Variants in YEATS2 observed in about 807,000 individuals in gnomAD.
YEATS2 encodes YEATS domain-containing protein 2.
In YEATS2, 77 loss-of-function variants were observed where a neutral mutation model predicts 163.2. The ratio of observed to expected loss-of-function variants is 0.47; its 90% CI spans 0.39 to 0.57. The LOEUF (loss-of-function observed/expected upper bound fraction) is 0.57, where lower values mean the gene tolerates loss of function less well. YEATS2 is among the 20% of genes least tolerant of loss of function. The pLI, the probability that YEATS2 is intolerant of heterozygous loss-of-function variation, is 0.00. For missense variants in YEATS2, 1,549 were observed against 1,729.8 expected (o/e 0.90, Z 1.85); for synonymous variants, 631 against 645.1 (o/e 0.98, Z 0.33).
At chr3:183,700,058 A>G (rs1713895729) in intron 1 of YEATS2, among the ~76,000 whole-genome samples, 1 of 151,908 alleles carries the variant, frequency 6.6e-6, no homozygotes, top group African/African-American at 2.4e-5. Flanking sequence ...AGTATGTTTG[A>G]ACATTTTTTT....
Position 183,800,489 on chromosome 3 carries a change from G to T in YEATS2, c.3349G>T (p.Gly1117Ter). The T allele has an allele frequency of 6.2e-7, 1 of 1,614,096 alleles. No homozygotes were observed. The highest frequency in any genetic ancestry group is 8.5e-7 in the Non-Finnish European group (1 of 1,179,960). ...AGTGAAGACTGAACCAGAAACACCTGGACCGAGTTGCCTCTCTCAGGAGGG... is the reference window on the plus strand; with the variant it reads ...AGTGAAGACTGAACCAGAAACACCTTGACCGAGTTGCCTCTCTCAGGAGGG... ...AKVKTEPETPGPSCLSQEGQT... is the reference protein window; with the variant it reads ...AKVKTEPETP Residue 1117 changes from glycine to a stop codon, truncating the protein, a stop_gained, in exon 24 of 31, where the codon GGA (glycine) becomes TGA (stop). Transcript: ENST00000305135. LOFTEE classifies it high-confidence loss of function.
At chr3:183,762,699 T>C (rs1721497566) in intron 15 of YEATS2, among the ~76,000 whole-genome samples, 1 of 139,510 alleles carries the variant, frequency 7.2e-6, no homozygotes, top group Non-Finnish European at 1.5e-5. Flanking sequence ...TGTAGAGTTC[T>C]TTTTTTTTTT....
chr3:183,789,979 G>T (rs1352937888), intron 20 of YEATS2, among the ~76,000 whole-genome samples: 1 of 152,132 alleles, frequency 6.6e-6, no homozygotes, highest in Non-Finnish European at 1.5e-5. Flanking sequence ...GAATGATGTG[G>T]CTTGACTTCT....
chr3:183,754,058 T>C, intron 10 of YEATS2, 68 bp from the exon 11 acceptor site: 2 of 1,462,956 alleles, frequency 1.4e-6, no homozygotes, highest in Non-Finnish European at 1.8e-6. Flanking sequence ...TTATTCTTTT[T>C]CCACAACGGT....
At chr3:183,755,664 T>G (rs982530339) in intron 11 of YEATS2, among the ~76,000 whole-genome samples, 8 of 151,876 alleles carry the variant, frequency 5.3e-5, no homozygotes, top group African/African-American at 1.9e-4. Flanking sequence ...GTAGGTGAAT[T>G]TCATATTTTC....
chr3:183,777,440 T>C, intron 18 of YEATS2, 102 bp from the exon 19 acceptor site: 1 of 1,273,700 alleles, frequency 7.9e-7, no homozygotes, highest in Non-Finnish European at 1.1e-6. Flanking sequence ...GAGAGCGTTG[T>C]AGCTTGTAAC....
At chr3:183,775,256 C>T (rs2108400008) in intron 17 of YEATS2, among the ~76,000 whole-genome samples, 1 of 152,148 alleles carries the variant, frequency 6.6e-6, no homozygotes, top group Admixed American at 6.5e-5. Flanking sequence ...ATCAGATGCC[C>T]AAAAGTTGGG....
intron 21 of YEATS2, among the ~76,000 whole-genome samples, chr3:183,795,578 G>T (rs1271817703): frequency 1.3e-5 from 2 of 150,234 alleles, no homozygotes; most frequent in Admixed American, 1.3e-4. Flanking sequence ...TGGGGTTACA[G>T]GTGTAAGCTG....
intron 18 of YEATS2, among the ~76,000 whole-genome samples, chr3:183,776,498 C>T (rs560862096): frequency 1.3e-5 from 2 of 152,122 alleles, no homozygotes; most frequent in African/African-American, 2.4e-5. Context: ...GAGCTGAGGT[C>T]GCACCACTGC....
chr3:183,705,079 G>T (rs187174633), intron 1 of YEATS2, among the ~76,000 whole-genome samples: 40 of 151,868 alleles, frequency 2.6e-4, no homozygotes, highest in Admixed American at 2.5e-3. Flanking sequence ...ACGGGGTCTG[G>T]CTCTGTCACC....
chr3:183,738,965 G>A (rs1718660351), intron 8 of YEATS2, among the ~76,000 whole-genome samples: 1 of 144,302 alleles, frequency 6.9e-6, no homozygotes, highest in African/African-American at 2.6e-5. Context: ...CTAGATCCCT[G>A]AGGAATCGCC....
rs773827621 is a variant in YEATS2, at chr3:183,700,434, AT to A, written c.-20+2443del. ...ACTACGGATTTTTATTTGAATGTTC[AT>A]TGCCACGTTCTTGGATTGTTCCCTA... On this transcript the variant is annotated intron_variant, in intron 1 of 30. Coordinates refer to ENST00000305135, the MANE Select transcript of YEATS2 (RefSeq NM_018023.5). Among the ~76,000 whole-genome samples, 198 of 152,094 alleles carry A rather than the reference AT, an allele frequency of 1.3e-3. 1 individual carries two copies. The highest frequency in any genetic ancestry group is 9.9e-4 in the Non-Finnish European group (67 of 67,996).
At chr3:183,776,499 G>A (rs140017596) in intron 18 of YEATS2, among the ~76,000 whole-genome samples, 236 of 152,086 alleles carry the variant, frequency 1.6e-3, no homozygotes, top group African/African-American at 5.0e-3. Context: ...AGCTGAGGTC[G>A]CACCACTGCA....
intron 1 of YEATS2, among the ~76,000 whole-genome samples, chr3:183,712,952 G>A (rs1214568669): frequency 2.0e-5 from 3 of 151,876 alleles, no homozygotes; most frequent in South Asian, 4.2e-4. Flanking sequence ...GTGGAGACGG[G>A]GTTTCACCAT....
At chr3:183,719,895 T>C (rs1224481632) in intron 4 of YEATS2, among the ~76,000 whole-genome samples, 1 of 152,190 alleles carries the variant, frequency 6.6e-6, no homozygotes. Flanking sequence ...ATGGTCCTCC[T>C]ACCTTTTTCC....
At chr3:183,733,266 C>T (rs1717996347) in intron 7 of YEATS2, among the ~76,000 whole-genome samples, 1 of 152,194 alleles carries the variant, frequency 6.6e-6, no homozygotes, top group Non-Finnish European at 1.5e-5. Context: ...AAACAGTAAG[C>T]TTTTCATATG....
At chr3:183,800,122 G>A (rs1338087366) in intron 23 of YEATS2, among the ~76,000 whole-genome samples, 2 of 152,098 alleles carry the variant, frequency 1.3e-5, no homozygotes, top group Admixed American at 6.5e-5. Context: ...GTGAGCCACC[G>A]CGCCCGGCCC....
chr3:183,705,512 A>G (rs1714529781), intron 1 of YEATS2, among the ~76,000 whole-genome samples: 2 of 152,170 alleles, frequency 1.3e-5, no homozygotes, highest in South Asian at 2.1e-4. Context: ...TAATAACATC[A>G]TCTTTATCAT....
rs1726269239 is a variant in YEATS2, at chr3:183,806,923, A to G, written c.3842A>G (p.Gln1281Arg). The change falls in exon 28 of 31, where the codon CAA becomes CGA. Residue 1281 changes from glutamine (Q) to arginine (R), a missense_variant. By Grantham distance (43) the Gln-to-Arg change is conservative. Transcript: ENST00000305135. ...CTCTGCCGCAAACTGGAGGACCTGC[A>G]ACAGTTCCAGAAAAGGGAACCCGAG... ...DNLCRKLEDL[Q>R]QFQKREPENE... The G allele has an allele frequency of 5.6e-6, 9 of 1,614,010 alleles. No homozygotes were observed. The highest frequency in any genetic ancestry group is 5.9e-6 in the Non-Finnish European group (7 of 1,180,022).
Sources: gnomAD v4.1 joint callset for allele counts (sites outside exome capture counted in the v4.1 genomes callset) on GRCh38, gnomAD v4.1.1 for gene constraint, MANE v1.5 for transcripts, NCBI Gene and HGNC (gene_info 2026-07-23, HGNC 2026-07-21) for gene names.